Variants in SLCO1B1 observed in about 807,000 individuals in gnomAD.
SLCO1B1 encodes the protein OATP-2.
A neutral mutation model predicts 70.1 loss-of-function variants in SLCO1B1; 81 were observed. The observed-to-expected ratio is 1.16, with a 90% confidence interval of 0.97 to 1.39. The LOEUF (loss-of-function observed/expected upper bound fraction) is 1.39. SLCO1B1 is among the 40% of genes most tolerant of loss of function. SLCO1B1 has a pLI of 0.00. For missense variants in SLCO1B1, 895 were observed against 799.6 expected (o/e 1.12, Z -1.44); for synonymous variants, 283 against 271.5 (o/e 1.04, Z -0.42).
At chr12:21,202,419 C>T (rs1051238390) in intron 9 of SLCO1B1, 72 bp from the exon 10 acceptor site, 1 of 944,864 alleles carries the variant, frequency 1.1e-6, no homozygotes, top group East Asian at 2.5e-5. Context: ...GATTGACATA[C>T]ATTGTGTTTC....
At chr12:21,141,259 A>G (rs527724572) in intron 1 of SLCO1B1, among the ~76,000 whole-genome samples, 211 of 144,278 alleles carry the variant, frequency 1.5e-3, no homozygotes, top group African/African-American at 4.7e-3. Flanking sequence ...GTGTGATTCT[A>G]TATTACTTAC....
intron 7 of SLCO1B1, among the ~76,000 whole-genome samples, chr12:21,183,682 A>G (rs901147705): frequency 1.3e-5 from 2 of 152,232 alleles, no homozygotes; most frequent in African/African-American, 2.4e-5. Context: ...TGGCAATTCA[A>G]AAAGTAAGAA....
intron 2 of SLCO1B1, among the ~76,000 whole-genome samples, chr12:21,152,318 G>A (rs1052766451): frequency 3.3e-5 from 5 of 151,724 alleles, no homozygotes; most frequent in Non-Finnish European, 7.4e-5. Flanking sequence ...ATTAATCACA[G>A]TTGTTTTAAA....
intron 1 of SLCO1B1, among the ~76,000 whole-genome samples, chr12:21,133,954 A>G (rs1101250): frequency 0.073 from 11,095 of 152,220 alleles, 492 homozygotes; most frequent in African/African-American, 0.12. Flanking sequence ...ATTCAGTATC[A>G]TATTGGCTGC....
chr12:21,203,723 C>T (rs993090564), intron 10 of SLCO1B1, among the ~76,000 whole-genome samples: 3 of 152,016 alleles, frequency 2.0e-5, no homozygotes, highest in Admixed American at 1.3e-4. Context: ...AATACATTGT[C>T]CTAGAATACT....
chr12:21,182,618 GT>G (rs1940916756), intron 7 of SLCO1B1, among the ~76,000 whole-genome samples: 1 of 152,136 alleles, frequency 6.6e-6, no homozygotes, highest in Admixed American at 6.5e-5. Flanking sequence ...CAGCCTGAGG[GT>G]TTTTTCAAGG....
At chr12:21,231,134 C>T (rs1341839638) in intron 14 of SLCO1B1, among the ~76,000 whole-genome samples, 1 of 152,038 alleles carries the variant, frequency 6.6e-6, no homozygotes, top group South Asian at 2.1e-4. Flanking sequence ...TCATCCATGT[C>T]CCTACAAAGG....
At chr12:21,189,540 C>T (rs1941004696) in intron 7 of SLCO1B1, among the ~76,000 whole-genome samples, 1 of 151,994 alleles carries the variant, frequency 6.6e-6, no homozygotes, top group African/African-American at 2.4e-5. Flanking sequence ...CTCTGCCTGC[C>T]AGGTTCCAGT....
In SLCO1B1 at chr12:21,196,994, G is replaced by A. The variant is rs751112570; in HGVS notation, c.776G>A (p.Trp259Ter). 5 of 1,613,404 alleles carry A rather than the reference G, an allele frequency of 3.1e-6. No individual in the cohort carries two copies. The South Asian group carries it at 5.5e-5, about 18-fold the overall frequency. ...GATTCTCGATGGGTTGGAGCTTGGT[G>A]GCTTAATTTCCTTGTGTCTGGACTA... Reference protein sequence around the residue: ...PTDSRWVGAWWLNFLVSGLFS... With the variant: ...PTDSRWVGAW Residue 259 changes from tryptophan to a stop codon, truncating the protein, a stop_gained, in exon 8 of 15, where the codon TGG (tryptophan) becomes TAG (stop). Coordinates refer to ENST00000256958, the MANE Select transcript of SLCO1B1 (RefSeq NM_006446.5). LOFTEE classifies it high-confidence loss of function.
At chr12:21,131,813 TCTC>T (rs754104648) in intron 1 of SLCO1B1, among the ~76,000 whole-genome samples, 1 of 152,102 alleles carries the variant, frequency 6.6e-6, no homozygotes, top group Non-Finnish European at 1.5e-5. Flanking sequence ...CAAAAAGTCT[TCTC>T]AGTACAGTTT....
intron 1 of SLCO1B1, among the ~76,000 whole-genome samples, chr12:21,132,398 G>A (rs953055628): frequency 2.6e-5 from 4 of 152,146 alleles, no homozygotes; most frequent in Admixed American, 6.5e-5. Flanking sequence ...CTAGATCCCT[G>A]AGGAATCGCC....
chr12:21,135,254 C>A (rs144832874), intron 1 of SLCO1B1, among the ~76,000 whole-genome samples: 3 of 152,244 alleles, frequency 2.0e-5, no homozygotes, highest in Non-Finnish European at 4.4e-5. Flanking sequence ...TTACTTCCAA[C>A]TATGTGGTCA....
At chr12:21,216,529 A>G (rs1407170248) in intron 11 of SLCO1B1, among the ~76,000 whole-genome samples, 1 of 152,130 alleles carries the variant, frequency 6.6e-6, no homozygotes, top group African/African-American at 2.4e-5. Flanking sequence ...CTAGTGGGGC[A>G]TTCTGTTGTG....
chr12:21,180,331 G>A (rs946514308), intron 7 of SLCO1B1, among the ~76,000 whole-genome samples: 2 of 151,994 alleles, frequency 1.3e-5, no homozygotes, highest in Non-Finnish European at 1.5e-5. Flanking sequence ...AGTTCTTGAA[G>A]CCTCTTCCAA....
chr12:21,155,122 G>C (rs984570192), intron 2 of SLCO1B1, among the ~76,000 whole-genome samples: 1 of 149,830 alleles, frequency 6.7e-6, no homozygotes, highest in African/African-American at 2.5e-5. Context: ...TTTAATCTTA[G>C]TAAATTATTT....
intron 2 of SLCO1B1, among the ~76,000 whole-genome samples, chr12:21,167,983 AT>A (rs35034604): frequency 2.2e-3 from 324 of 145,446 alleles, no homozygotes; most frequent in African/African-American, 7.4e-3. Context: ...TGCGCAGGTA[AT>A]TTTTTTTTTT....
chr12:21,173,131 G>C (rs970781527), intron 3 of SLCO1B1, among the ~76,000 whole-genome samples: 17 of 152,124 alleles, frequency 1.1e-4, no homozygotes, highest in Admixed American at 6.5e-4. Context: ...CCTCTCTCAA[G>C]ATGAAGAAAC....
At position 21,135,743 on chromosome 12, in the gene SLCO1B1, G is replaced by C. The variant is rs541780213; in HGVS notation, c.-62+4507G>C. Among the ~76,000 whole-genome samples, 12 of 152,208 alleles carry C rather than the reference G, an allele frequency of 7.9e-5. 1 individual carries two copies. In the South Asian group the frequency reaches 2.5e-3, roughly 32 times the overall value. ...CTATGTGTGTCTCTGCATGTGAGAT[G>C]GATTTCCTGACTACAGTGCACTGAT... On this transcript the variant is annotated intron_variant, in intron 1 of 14. Coordinates refer to ENST00000256958, the MANE Select transcript of SLCO1B1 (RefSeq NM_006446.5).
At chr12:21,134,450 A>G (rs1940187686) in intron 1 of SLCO1B1, among the ~76,000 whole-genome samples, 1 of 152,078 alleles carries the variant, frequency 6.6e-6, no homozygotes, top group African/African-American at 2.4e-5. Flanking sequence ...TCGGCTGTGA[A>G]TCCATCTGGT....
Sources: gnomAD v4.1 joint callset for allele counts (sites outside exome capture counted in the v4.1 genomes callset) on GRCh38, gnomAD v4.1.1 for gene constraint, MANE v1.5 for transcripts, NCBI Gene and HGNC (gene_info 2026-07-23, HGNC 2026-07-21) for gene names.